Variants in CSGALNACT1 observed in about 807,000 individuals in gnomAD.
CSGALNACT1 encodes chondroitin sulfate N-acetylgalactosaminyltransferase 1, also known as beta4GalNAcT-1.
Under a neutral mutation model 51.0 loss-of-function variants are expected in CSGALNACT1, and 52 were observed. That is an observed-to-expected ratio of 1.02 (90% CI 0.82 to 1.29). The LOEUF is 1.29. CSGALNACT1 is among the 50% of genes most tolerant of loss of function. CSGALNACT1 has a pLI of 0.00. For missense variants in CSGALNACT1, 935 were observed against 679.2 expected, an observed-to-expected ratio of 1.38 and a Z score of -4.19; for synonymous variants, 341 against 254.4, an observed-to-expected ratio of 1.34 and a Z score of -3.24.
intron 9 of CSGALNACT1, among the ~76,000 whole-genome samples, 185 bp from the exon 9 acceptor site, chr8:19,406,254 C>T (rs1008017433): frequency 3.9e-5 from 6 of 152,112 alleles, no homozygotes; most frequent in Non-Finnish European, 8.8e-5. Context: ...ACAAAGACGA[C>T]TTTTATGGCA....
At chr8:19,662,057 T>TCCCCCC (rs2058782964) in intron 1 of CSGALNACT1, among the ~76,000 whole-genome samples, 1 of 80,390 alleles carries the variant, frequency 1.2e-5, no homozygotes, top group Non-Finnish European at 2.6e-5. Flanking sequence ...CTATTACAGT[T>TCCCCCC]GCCCCCACCC....
rs1034152438 is a variant in CSGALNACT1, at chr8:19,589,256, G to A, written c.-297+1904C>T. Among the ~76,000 whole-genome samples, 3 of 152,186 alleles carry A rather than the reference G, an allele frequency of 2.0e-5. 1 individual carries two copies. The highest frequency in any genetic ancestry group is 2.0e-4 in the Admixed American group (3 of 15,274). ...TGAAAACGTCAGACTAGGTAAAGCA[G>A]GCAGCTTCTAGTTATCATTCTAAAG... On this transcript the variant is annotated intron_variant, in intron 3 of 9. Coordinates refer to ENST00000454498, the Ensembl canonical transcript of CSGALNACT1.
chr8:19,560,117 A>C (rs1380958066), intron 3 of CSGALNACT1, among the ~76,000 whole-genome samples: 4 of 152,176 alleles, frequency 2.6e-5, no homozygotes, highest in Non-Finnish European at 5.9e-5. Context: ...TAGTAAGTAG[A>C]ATGTAACCTG....
chr8:19,412,735 C>A (rs1341060881), intron 8 of CSGALNACT1, among the ~76,000 whole-genome samples: 1 of 152,104 alleles, frequency 6.6e-6, no homozygotes, highest in Non-Finnish European at 1.5e-5. Flanking sequence ...ACATTTTCAT[C>A]TTGTATTGGG....
At chr8:19,702,550 A>T (rs1229663067) in intron 1 of CSGALNACT1, among the ~76,000 whole-genome samples, 2 of 151,994 alleles carry the variant, frequency 1.3e-5, no homozygotes, top group Admixed American at 6.6e-5. Flanking sequence ...AAATTCTTCA[A>T]CCTGCATCTG....
intron 2 of CSGALNACT1, among the ~76,000 whole-genome samples, chr8:19,599,480 G>GAAAAAT (rs201812156): frequency 3.0e-5 from 2 of 66,432 alleles, no homozygotes; most frequent in African/African-American, 1.3e-4. Context: ...GAAAAAGAAA[G>GAAAAAT]AAAGAAAGAA....
At chr8:19,428,213 T>A (rs2059081935) in intron 6 of CSGALNACT1, among the ~76,000 whole-genome samples, 2 of 152,122 alleles carry the variant, frequency 1.3e-5, no homozygotes, top group Non-Finnish European at 2.9e-5. Context: ...TACACCAGCA[T>A]CGGAGTCTGT....
At chr8:19,729,242 A>C (rs2063560191) in intron 1 of CSGALNACT1, among the ~76,000 whole-genome samples, 1 of 152,214 alleles carries the variant, frequency 6.6e-6, no homozygotes, top group Non-Finnish European at 1.5e-5. Context: ...TAATGGAGTT[A>C]AGAAGGACTC....
At chr8:19,717,161 G>C (rs1289356581) in intron 1 of CSGALNACT1, among the ~76,000 whole-genome samples, 1 of 152,212 alleles carries the variant, frequency 6.6e-6, no homozygotes. Flanking sequence ...TTTTGGCAGA[G>C]AGGAGGAATG....
At chr8:19,621,705 C>T (rs2053846690) in intron 1 of CSGALNACT1, among the ~76,000 whole-genome samples, 1 of 152,110 alleles carries the variant, frequency 6.6e-6, no homozygotes. Flanking sequence ...CTCCTAAGAC[C>T]ATGAGGTTGA....
chr8:19,535,114 G>A (rs2083483904), intron 3 of CSGALNACT1, among the ~76,000 whole-genome samples: 1 of 151,928 alleles, frequency 6.6e-6, no homozygotes, highest in Non-Finnish European at 1.5e-5. Flanking sequence ...GAAGAAATAG[G>A]TTCCTAACAC....
chr8:19,695,888 T>C (rs1438705917), intron 1 of CSGALNACT1, among the ~76,000 whole-genome samples: 3 of 152,152 alleles, frequency 2.0e-5, no homozygotes, highest in Non-Finnish European at 2.9e-5. Flanking sequence ...AACACTACAC[T>C]ACACAAGCCA....
chr8:19,548,962 G>A (rs2087204410), intron 3 of CSGALNACT1, among the ~76,000 whole-genome samples: 2 of 152,016 alleles, frequency 1.3e-5, no homozygotes, highest in African/African-American at 2.4e-5. Flanking sequence ...GAGACTACAG[G>A]TGCATGCCAC....
intron 1 of CSGALNACT1, among the ~76,000 whole-genome samples, chr8:19,701,940 T>C (rs1197753520): frequency 6.6e-6 from 1 of 152,228 alleles, no homozygotes; most frequent in Non-Finnish European, 1.5e-5. Context: ...TGTTGATTCA[T>C]TAATGAAAAT....
intron 6 of CSGALNACT1, among the ~76,000 whole-genome samples, chr8:19,425,656 C>T (rs1585695307): frequency 6.6e-6 from 1 of 152,198 alleles, no homozygotes; most frequent in Non-Finnish European, 1.5e-5. Flanking sequence ...TTGGAAAAAG[C>T]AGAGGTTGCA....
chr8:19,537,511 A>G (rs1490545745), intron 3 of CSGALNACT1, among the ~76,000 whole-genome samples: 2 of 151,918 alleles, frequency 1.3e-5, no homozygotes, highest in East Asian at 3.9e-4. Flanking sequence ...TGACCACCCC[A>G]CTCAGCATAA....
intron 1 of CSGALNACT1, among the ~76,000 whole-genome samples, chr8:19,743,555 A>G (rs2064449650): frequency 6.6e-6 from 1 of 152,238 alleles, no homozygotes; most frequent in African/African-American, 2.4e-5. Flanking sequence ...ATTAGACTGC[A>G]CAGAACAGAT....
At chr8:19,599,548 AAAG>A (rs2049940082) in intron 2 of CSGALNACT1, among the ~76,000 whole-genome samples, 1 of 151,746 alleles carries the variant, frequency 6.6e-6, no homozygotes, top group Non-Finnish European at 1.5e-5. Flanking sequence ...AGAAGGAAAG[AAAG>A]AAGGAAAGGG....
chr8:19,437,822 G>T (rs2060627638), intron 6 of CSGALNACT1, among the ~76,000 whole-genome samples: 1 of 152,150 alleles, frequency 6.6e-6, no homozygotes, highest in Non-Finnish European at 1.5e-5. Flanking sequence ...ATGACTAGAT[G>T]TTTGCCAAAG....
Sources: gnomAD v4.1 joint callset for allele counts (sites outside exome capture counted in the v4.1 genomes callset) on GRCh38, gnomAD v4.1.1 for gene constraint, MANE v1.5 for transcripts, NCBI Gene and HGNC (gene_info 2026-07-23, HGNC 2026-07-21) for gene names.